UHRF1: variants seen among roughly 807,000 people sequenced by gnomAD.
UHRF1 encodes E3 ubiquitin-protein ligase UHRF1.
Under a neutral mutation model 96.5 loss-of-function variants are expected in UHRF1, and 9 were observed. That is an observed-to-expected ratio of 0.09 (90% CI 0.06 to 0.16). The LOEUF (loss-of-function observed/expected upper bound fraction) is 0.16. Among genes scored for constraint, UHRF1 ranks in the 10% least tolerant of loss-of-function variants. The pLI, the probability that UHRF1 is intolerant of heterozygous loss-of-function variation, is 1.00. For missense variants in UHRF1, 626 were observed against 1,131.1 expected, an observed-to-expected ratio of 0.55 and a Z score of 6.40; for synonymous variants, 455 against 469.9, an observed-to-expected ratio of 0.97 and a Z score of 0.41.
Position 4,954,015 on chromosome 19 carries a change from T to A in UHRF1, c.1819-335T>A, listed in dbSNP as rs556423440. On this transcript the variant is annotated intron_variant, in intron 13 of 16. Transcript: ENST00000650932. This position sits in a 1 kb window ranked among gnomAD's most constrained non-coding sequence, Gnocchi z 5.9. ...CCCTGTGGGACGATGCAATGTTTCA[T>A]CATGCAGTGTGCGTGATGTGAGGTG... is the stretch of plus-strand genomic sequence containing the variant. Among the ~76,000 whole-genome samples the A allele has an allele frequency of 5.9e-4, 90 of 152,188 alleles. 1 individual carries two copies. Among genetic ancestry groups the A allele is most frequent in the African/African-American group, 2.0e-3 (84 of 41,548 alleles).
chr19:4,921,046 C>T (rs1436485356), intron 2 of UHRF1, among the ~76,000 whole-genome samples: 1 of 151,912 alleles, frequency 6.6e-6, no homozygotes. Context: ...ATCGCTTGAA[C>T]CCAGGAGGCG....
intron 1 of UHRF1, chr19:4,910,597 G>T: frequency 3.0e-6 from 1 of 336,858 alleles, no homozygotes; most frequent in Admixed American, 4.8e-5. Flanking sequence ...TCGTGGGGAA[G>T]GAGGGATGGG....
chr19:4,917,639 C>T (rs562123731), intron 2 of UHRF1, among the ~76,000 whole-genome samples: 8 of 120,102 alleles, frequency 6.7e-5, no homozygotes, highest in East Asian at 2.4e-4. Context: ...GGCAACAGAG[C>T]GAGACTCCGT....
At chr19:4,915,382 C>A (rs892444581) in intron 2 of UHRF1, among the ~76,000 whole-genome samples, 6 of 152,164 alleles carry the variant, frequency 3.9e-5, no homozygotes, top group Admixed American at 3.9e-4. Context: ...ATCTGTAAAC[C>A]GGTGGGCGTG....
At chr19:4,940,021 C>CA (rs529825403) in intron 5 of UHRF1, among the ~76,000 whole-genome samples, 13,222 of 72,252 alleles carry the variant, frequency 0.18, 751 homozygotes, top group Admixed American at 0.32. Context: ...GAGACTGTCT[C>CA]AAAAAAAAAA....
In UHRF1 at chr19:4,932,791, G is replaced by A. The variant is rs756642363; in HGVS notation, c.620G>A (p.Arg207His). ...ATGAACTCCAGGGACGTCCGAGCGC[G>A]CGCCCGCACCATCATCAAGTGGCAG... ...VQMNSRDVRA[R>H]ARTIIKWQDL... The change falls in exon 5 of 17, where the codon CGC (arginine) becomes CAC (histidine). Residue 207 changes from arginine to histidine, a missense_variant. Physicochemically the swap from Arg to His is conservative, Grantham distance 29. Coordinates refer to ENST00000650932, the MANE Select transcript of UHRF1 (RefSeq NM_001048201.3). 2 of 1,613,900 alleles carry A rather than the reference G, an allele frequency of 1.2e-6. No homozygotes were observed. Among genetic ancestry groups the A allele is most frequent in the Non-Finnish European group, 1.7e-6 (2 of 1,179,894 alleles).
chr19:4,910,878 C>T lies in UHRF1; in HGVS notation c.-8C>T. On this transcript the variant is annotated splice_region_variant and 5_prime_UTR_variant, in exon 2 of 17. Coordinates refer to ENST00000650932, the MANE Select transcript of UHRF1 (RefSeq NM_001048201.3). The stretch of plus-strand genomic sequence containing the variant: ...GTTTTTGCTGTCCCTCCCCTCAGCG[C>T]CGACACCATGTGGATCCAGGTTCGG... The T allele has an allele frequency of 6.2e-7, 1 of 1,606,256 alleles. No individual in the cohort carries two copies. Among genetic ancestry groups the T allele is most frequent in the Non-Finnish European group, 8.5e-7 (1 of 1,174,936 alleles).
intron 15 of UHRF1, among the ~76,000 whole-genome samples, chr19:4,956,015 A>C (rs2033848054): frequency 6.6e-6 from 1 of 151,878 alleles, no homozygotes; most frequent in South Asian, 2.1e-4. Context: ...GATCACTGCA[A>C]CCTCCACCTT....
In UHRF1 at chr19:4,941,510, C is replaced by G. The variant is rs371304717; in HGVS notation, c.786-18C>G. The G allele has an allele frequency of 1.2e-6, 2 of 1,601,108 alleles. No homozygotes were observed. Among genetic ancestry groups the G allele is most frequent in the East Asian group, 2.2e-5 (1 of 44,530 alleles). Reference sequence around the variant, plus strand: ...GCCTCGGCAGGCCAGAATGTTCCAGCGTCCTCGTTCCTTGCAGGGATGATT... The same window carrying G: ...GCCTCGGCAGGCCAGAATGTTCCAGGGTCCTCGTTCCTTGCAGGGATGATT... On this transcript the variant is annotated intron_variant, in intron 5 of 16. Coordinates refer to ENST00000650932, the MANE Select transcript of UHRF1 (RefSeq NM_001048201.3).
At chr19:4,907,524 C>T (rs1201521492), upstream of UHRF1, among the ~76,000 whole-genome samples, 1 of 152,056 alleles carries the variant, frequency 6.6e-6, no homozygotes, top group African/African-American at 2.4e-5. Context: ...CCTGCCTCGG[C>T]CTCCCAAAGT....
At chr19:4,939,066 A>G (rs1293836406) in intron 5 of UHRF1, among the ~76,000 whole-genome samples, 1 of 148,676 alleles carries the variant, frequency 6.7e-6, no homozygotes, top group Non-Finnish European at 1.5e-5. Flanking sequence ...GGCGTGCTCC[A>G]CTGCACCTGG....
intron 1 of UHRF1, among the ~76,000 whole-genome samples, chr19:4,903,839 T>C (rs1418219539): frequency 1.3e-5 from 2 of 152,126 alleles, no homozygotes; most frequent in Non-Finnish European, 2.9e-5. Flanking sequence ...GACTCTACAT[T>C]TATATTGGTC....
In UHRF1 at chr19:4,947,200, C is replaced by T; in HGVS notation, c.1506C>T (p.Thr502=). The change falls in exon 11 of 17, where the codon ACC becomes ACT. Residue 502 remains threonine (T), a synonymous_variant. Coordinates refer to ENST00000650932, the MANE Select transcript of UHRF1 (RefSeq NM_001048201.3). ...AACAGTCTTGTGATCAGAAACTCAC[C>T]AACACCAACAGGTTTGTGGAATCAG... ...TAEQSCDQKL[T]NTNRALALNC... The T allele has an allele frequency of 6.2e-7, 1 of 1,613,792 alleles. No individual in the cohort carries two copies. The highest frequency in any genetic ancestry group is 8.5e-7 in the Non-Finnish European group (1 of 1,179,730).
At chr19:4,922,354 C>T (rs2032728264) in intron 2 of UHRF1, among the ~76,000 whole-genome samples, 1 of 151,356 alleles carries the variant, frequency 6.6e-6, no homozygotes, top group South Asian at 2.1e-4. Flanking sequence ...CAAACTCTGC[C>T]TCCTGGGTTC....
At chr19:4,913,557 G>T (rs539179708) in intron 2 of UHRF1, among the ~76,000 whole-genome samples, 23 of 151,834 alleles carry the variant, frequency 1.5e-4, no homozygotes, top group Admixed American at 2.6e-4. Context: ...ACCCAGCCAC[G>T]TACATTGTGC....
rs776604240 is a variant in UHRF1, at chr19:4,930,906, T to A, written c.569+30T>A. 6.2e-7 allele frequency: 1 copy of A among 1,611,368 alleles called. No homozygotes were observed. Among genetic ancestry groups the A allele is most frequent in the Non-Finnish European group, 8.5e-7 (1 of 1,178,516 alleles). ...GTCATGGCAGGTGGGCGGGCCTGGG[T>A]ATTCAGGCTCTGTGACGCGCATCCT... is the stretch of plus-strand genomic sequence containing the variant. On this transcript the variant is annotated intron_variant, in intron 4 of 16. Transcript: ENST00000650932. The surrounding 1 kb of genome is among the most constrained non-coding windows in gnomAD (Gnocchi z 4.4).
intron 5 of UHRF1, among the ~76,000 whole-genome samples, chr19:4,940,868 T>TTA (rs1293761721): frequency 6.6e-6 from 1 of 151,574 alleles, no homozygotes; most frequent in Non-Finnish European, 1.5e-5. Flanking sequence ...AGACAGGGTT[T>TTA]TACCATGTTG....
At chr19:4,960,431 G>A (rs887028889) in intron 16 of UHRF1, among the ~76,000 whole-genome samples, 1 of 152,186 alleles carries the variant, frequency 6.6e-6, no homozygotes, top group African/African-American at 2.4e-5. Flanking sequence ...GAGCTGTTAA[G>A]CTGCATGACC....
intron 16 of UHRF1, among the ~76,000 whole-genome samples, chr19:4,957,831 G>T (rs879745842): frequency 6.6e-6 from 1 of 152,196 alleles, no homozygotes; most frequent in South Asian, 2.1e-4. Context: ...TCCCCTGGGG[G>T]CAGAACTGCC....
Sources: gnomAD v4.1 joint callset for allele counts (sites outside exome capture counted in the v4.1 genomes callset) on GRCh38, gnomAD v4.1.1 for gene constraint, Gnocchi (gnomAD v3.1) non-coding constraint, MANE v1.5 for transcripts, NCBI Gene and HGNC (gene_info 2026-07-23, HGNC 2026-07-21) for gene names.